BMPR1B: variants seen among roughly 807,000 people sequenced by gnomAD.
BMPR1B encodes bone morphogenetic protein receptor type-1B.
A neutral mutation model predicts 59.1 loss-of-function variants in BMPR1B; 12 were observed. The ratio of observed to expected loss-of-function variants is 0.20; its 90% CI spans 0.13 to 0.33. BMPR1B has a LOEUF of 0.33. BMPR1B is among the 10% of genes least tolerant of loss of function. The pLI is 1.00. For missense variants in BMPR1B, 550 were observed against 610.9 expected (o/e 0.90, Z 1.05); for synonymous variants, 237 against 207.3 (o/e 1.14, Z -1.23).
intron 1 of BMPR1B, among the ~76,000 whole-genome samples, chr4:94,855,015 G>C (rs1395089472): frequency 6.6e-6 from 1 of 151,904 alleles, no homozygotes; most frequent in Non-Finnish European, 1.5e-5. Flanking sequence ...AACATATATT[G>C]GATGGCACCA....
intron 3 of BMPR1B, among the ~76,000 whole-genome samples, chr4:95,100,319 AT>A (rs1489528907): frequency 4.0e-5 from 6 of 151,896 alleles, no homozygotes; most frequent in African/African-American, 1.5e-4. Flanking sequence ...CTCACTCTTA[AT>A]TTGCCCAGGT....
intron 3 of BMPR1B, among the ~76,000 whole-genome samples, chr4:95,061,996 C>T (rs1322494838): frequency 2.0e-5 from 3 of 152,084 alleles, no homozygotes; most frequent in Non-Finnish European, 2.9e-5. Context: ...TCTCTCCTGC[C>T]GTCACGTGAA....
At chr4:95,154,399 A>T in intron 12 of BMPR1B, 149 bp from the exon 13 acceptor site, 1 of 1,114,546 alleles carries the variant, frequency 9.0e-7, no homozygotes, top group East Asian at 2.6e-5. Context: ...TTTTGCATGA[A>T]AAAAGCTTAC....
intron 1 of BMPR1B, among the ~76,000 whole-genome samples, chr4:94,778,719 A>C (rs1270136643): frequency 6.6e-6 from 1 of 152,172 alleles, no homozygotes; most frequent in Non-Finnish European, 1.5e-5. Context: ...GCTAATATCC[A>C]GGTTTAAAAT....
chr4:94,811,692 C>G (rs190652234), intron 1 of BMPR1B, among the ~76,000 whole-genome samples: 12 of 152,164 alleles, frequency 7.9e-5, no homozygotes, highest in Admixed American at 6.6e-4. Context: ...GCTTCGATAC[C>G]TTGGTCATGA....
chr4:94,861,451 G>C (rs1725972980), intron 1 of BMPR1B, among the ~76,000 whole-genome samples: 1 of 152,166 alleles, frequency 6.6e-6, no homozygotes, highest in Non-Finnish European at 1.5e-5. Context: ...CAAGAATGGA[G>C]TCTTCCTTTG....
intron 3 of BMPR1B, among the ~76,000 whole-genome samples, chr4:95,083,216 C>A (rs150432593): frequency 2.1e-4 from 32 of 152,050 alleles, no homozygotes; most frequent in African/African-American, 7.5e-4. Context: ...CATCTCATTC[C>A]TATTAAGCAT....
chr4:94,808,881 T>C (rs62316545), intron 1 of BMPR1B, among the ~76,000 whole-genome samples: 20,263 of 151,926 alleles, frequency 0.13, 1,661 homozygotes, highest in East Asian at 0.27. Flanking sequence ...ATGGTGAAAC[T>C]CCATCTCTAC....
intron 3 of BMPR1B, among the ~76,000 whole-genome samples, chr4:95,026,126 C>CTTTT (rs1724377266): frequency 2.4e-5 from 2 of 84,774 alleles, no homozygotes; most frequent in Non-Finnish European, 3.3e-5. Context: ...TTCTTTCTTT[C>CTTTT]TTTCTTTCTT....
At chr4:95,070,380 C>T (rs962542385) in intron 3 of BMPR1B, among the ~76,000 whole-genome samples, 1 of 152,130 alleles carries the variant, frequency 6.6e-6, no homozygotes, top group Admixed American at 6.5e-5. Context: ...TAAGAAGACT[C>T]AGGTTTTTCA....
At chr4:94,944,620 A>T (rs930581) in intron 2 of BMPR1B, among the ~76,000 whole-genome samples, 20 of 152,036 alleles carry the variant, frequency 1.3e-4, no homozygotes, top group Admixed American at 1.3e-3. Context: ...TGTGGTTCAT[A>T]TAGGGTGTTA....
At chr4:94,986,074 T>TAAG (rs1721386473) in intron 2 of BMPR1B, among the ~76,000 whole-genome samples, 1 of 152,194 alleles carries the variant, frequency 6.6e-6, no homozygotes, top group Non-Finnish European at 1.5e-5. Flanking sequence ...TTTCCAAACA[T>TAAG]AAGTATTTAT....
intron 1 of BMPR1B, among the ~76,000 whole-genome samples, chr4:94,846,252 A>C (rs576795760): frequency 1.1e-4 from 16 of 152,326 alleles, no homozygotes; most frequent in Admixed American, 1.0e-3. Flanking sequence ...GGAAAACTGG[A>C]TATCTCTATG....
At chr4:94,800,906 G>A (rs1723382174) in intron 1 of BMPR1B, among the ~76,000 whole-genome samples, 2 of 152,170 alleles carry the variant, frequency 1.3e-5, no homozygotes, top group Non-Finnish European at 2.9e-5. Flanking sequence ...ACCTATTGTG[G>A]TCCTTTCTTA....
intron 2 of BMPR1B, among the ~76,000 whole-genome samples, chr4:94,910,354 A>G (rs1021830359): frequency 1.3e-5 from 2 of 152,082 alleles, no homozygotes; most frequent in Non-Finnish European, 2.9e-5. Flanking sequence ...AATTAGAGGA[A>G]AAAATACACC....
chr4:94,875,039 A>G (rs1726667067), intron 1 of BMPR1B, among the ~76,000 whole-genome samples: 1 of 152,096 alleles, frequency 6.6e-6, no homozygotes, highest in Non-Finnish European at 1.5e-5. Context: ...TTAAGTATCA[A>G]AATCCTTGCA....
chr4:95,114,861 T>C (rs1439928202), intron 5 of BMPR1B, 39 bp downstream of exon 5: 1 of 1,527,224 alleles, frequency 6.5e-7, no homozygotes, highest in African/African-American at 1.4e-5. Context: ...TTTCATTGGC[T>C]AGATTTCCAA....
intron 2 of BMPR1B, among the ~76,000 whole-genome samples, chr4:94,909,791 C>G (rs1240071521): frequency 6.6e-6 from 1 of 152,058 alleles, no homozygotes; most frequent in African/African-American, 2.4e-5. Context: ...CCAAACCACT[C>G]AGAAACCACT....
intron 2 of BMPR1B, among the ~76,000 whole-genome samples, chr4:94,902,245 CACACAGAGAGAGAGAGAGAGAG>C (rs1253322950): frequency 4.4e-5 from 4 of 91,692 alleles, no homozygotes; most frequent in East Asian, 6.7e-4. Flanking sequence ...CACACACACA[CACACAGAGAGAGAGAGAGAGAG>C]AGAGAGAGAG....
Sources: gnomAD v4.1 joint callset for allele counts (sites outside exome capture counted in the v4.1 genomes callset) on GRCh38, gnomAD v4.1.1 for gene constraint, MANE v1.5 for transcripts, NCBI Gene and HGNC (gene_info 2026-07-23, HGNC 2026-07-21) for gene names.